KDM8: variants seen among roughly 807,000 people sequenced by gnomAD.
The protein encoded by KDM8 is lysine demethylase 8.
A neutral mutation model predicts 46.9 loss-of-function variants in KDM8; 35 were observed. That is an observed-to-expected ratio of 0.75 (90% CI 0.57 to 0.99). The LOEUF (loss-of-function observed/expected upper bound fraction) is 0.99. KDM8 is among the 50% of genes least tolerant of loss of function. The probability of loss-of-function intolerance (pLI) is 0.00; values close to 1 mark genes in which losing one functional copy is unlikely to be tolerated. For synonymous variants in KDM8, 232 were observed against 227.7 expected, an observed-to-expected ratio of 1.02 and a Z score of -0.17; for missense variants, 475 against 537.0, an observed-to-expected ratio of 0.88 and a Z score of 1.14.
rs1357037262 is a variant in KDM8, at chr16:27,218,979, G to A, written c.862G>A (p.Asp288Asn). The A allele has an allele frequency of 6.2e-7, 1 of 1,613,994 alleles. No individual in the cohort carries two copies. The highest frequency in any genetic ancestry group is 1.3e-5 in the African/African-American group (1 of 74,904). Residue 288 changes from aspartate to asparagine, a missense_variant, in exon 6 of 8, where the codon GAC (aspartate) becomes AAC (asparagine). Transcript: ENST00000286096. The part of the protein sequence containing the change: ...LFDQIPELKQ[D>N]ISIPDYCSLG... Reference sequence around the variant, plus strand: ...CCCACAGATCCCGGAGTTGAAGCAGGACATCAGCATCCCCGACTACTGCAG... The same window carrying A: ...CCCACAGATCCCGGAGTTGAAGCAGAACATCAGCATCCCCGACTACTGCAG...
chr16:27,218,753 G>A (rs906568924), intron 5 of KDM8, among the ~76,000 whole-genome samples: 3 of 152,138 alleles, frequency 2.0e-5, no homozygotes, highest in South Asian at 4.1e-4. Flanking sequence ...AGGCTGAGGT[G>A]GGGGGATCAC....
At chr16:27,206,637 C>T (rs2083431095) in intron 1 of KDM8, among the ~76,000 whole-genome samples, 1 of 152,142 alleles carries the variant, frequency 6.6e-6, no homozygotes, top group Admixed American at 6.5e-5. Context: ...TAAAGCCAGG[C>T]CATAAGGCTA....
In KDM8 at chr16:27,221,651, T is replaced by C. The variant is rs2083629993; in HGVS notation, c.*921T>C. On this transcript the variant is annotated 3_prime_UTR_variant, in exon 8 of 8. Coordinates refer to ENST00000286096, the MANE Select transcript of KDM8 (RefSeq NM_024773.3). ...GGGGAGAGCCAGGCTCTATGCTTTC[T>C]GTAATTGTGTCTCGTTTGTGTGCAC... is the stretch of plus-strand genomic sequence containing the variant. The C allele has an allele frequency of 1.3e-5, 2 of 152,288 alleles. No individual in the cohort carries two copies. Among genetic ancestry groups the C allele is most frequent in the African/African-American group, 4.8e-5 (2 of 41,460 alleles). 9.4% of individuals were successfully genotyped at this position (152,288 alleles called of 1,614,324 possible). A position where few individuals can be genotyped will look rare whatever the true frequency, so the allele number is the denominator to read the frequency against.
chr16:27,204,037 C>T (rs1484545677), intron 1 of KDM8: 11 of 1,467,116 alleles, frequency 7.5e-6, no homozygotes, highest in East Asian at 5.1e-5. Context: ...GGCAACCAGC[C>T]GCTGCCCCTG....
At chr16:27,216,191 A>T (rs1185786375) in intron 5 of KDM8, 1 of 606,766 alleles carries the variant, frequency 1.6e-6, no homozygotes, top group Non-Finnish European at 3.0e-6. Flanking sequence ...TGCCCCGAGG[A>T]TTGTAGGGGC....
intron 2 of KDM8, 101 bp downstream of exon 2, chr16:27,210,722 T>C: frequency 8.5e-7 from 1 of 1,173,054 alleles, no homozygotes; most frequent in South Asian, 1.9e-5. Context: ...CCTCGTGGCC[T>C]GCAACCCCTC....
chr16:27,215,757 T>C (rs1273213961), intron 4 of KDM8, among the ~76,000 whole-genome samples, 188 bp from the exon 5 acceptor site: 5 of 152,178 alleles, frequency 3.3e-5, no homozygotes, highest in African/African-American at 1.2e-4. Flanking sequence ...ACAAACTGGG[T>C]ACCCCGGTGC....
At chr16:27,204,875 A>C (rs934164675) in intron 1 of KDM8, among the ~76,000 whole-genome samples, 5 of 152,160 alleles carry the variant, frequency 3.3e-5, no homozygotes, top group African/African-American at 9.7e-5. Context: ...AAAAATAAAA[A>C]ATTAGCTGAG....
Position 27,219,044 on chromosome 16 carries a change from C to T in KDM8, c.927C>T (p.Ala309=). The change falls in exon 6 of 8, where the codon GCC becomes GCT. Residue 309 remains alanine (A), a synonymous_variant. Coordinates refer to ENST00000286096, the MANE Select transcript of KDM8 (RefSeq NM_024773.3). ...AGGAGGAGGAAATCACCATCAATGC[C>T]TGGTTTGGTCCCCAGGGAACCATCT... The part of the protein sequence containing the change: ...DGEEEEITIN[A]WFGPQGTISP... 1 of 1,613,992 alleles carries T rather than the reference C, an allele frequency of 6.2e-7. No homozygotes were observed. Among genetic ancestry groups the T allele is most frequent in the Non-Finnish European group, 8.5e-7 (1 of 1,179,946 alleles).
chr16:27,213,438 A>G (rs550075045), intron 2 of KDM8, 147 bp from the exon 3 acceptor site: 8 of 723,942 alleles, frequency 1.1e-5, no homozygotes, highest in Non-Finnish European at 1.6e-5. Flanking sequence ...TAATAGTAGC[A>G]GTAATAATAA....
chr16:27,213,497 C>G (rs1320828495), intron 2 of KDM8, 88 bp from the exon 3 acceptor site: 14 of 1,399,346 alleles, frequency 1.0e-5, no homozygotes, highest in African/African-American at 1.4e-5. Context: ...CTAAGCTCTC[C>G]TACCCCTGAC....
Position 27,220,586 on chromosome 16 carries a change from C to T in KDM8, c.1107C>T (p.Asp369=). The T allele has an allele frequency of 6.2e-7, 1 of 1,614,142 alleles. No homozygotes were observed. The highest frequency in any genetic ancestry group is 8.5e-7 in the Non-Finnish European group (1 of 1,180,026). ...NTSQVDVENP[D]LEKFPKFAKA... is the part of the protein sequence containing the mutation. Reference sequence around the variant, plus strand: ...TTCAGGTTGACGTGGAGAATCCCGACCTGGAAAAGTTCCCCAAGTTTGCCA... The same window carrying T: ...TTCAGGTTGACGTGGAGAATCCCGATCTGGAAAAGTTCCCCAAGTTTGCCA... Residue 369 remains aspartate, a synonymous_variant, in exon 8 of 8, where the codon GAC becomes GAT. Transcript: ENST00000286096.
chr16:27,204,519 T>C (rs1016782782), intron 1 of KDM8: 1 of 277,772 alleles, frequency 3.6e-6, no homozygotes. Context: ...TTGAGGAGAT[T>C]AGAGAACTGG....
rs1193693604 is a variant in KDM8, at chr16:27,210,457, G to T, written c.334G>T (p.Asp112Tyr). The T allele has an allele frequency of 6.3e-7, 1 of 1,596,820 alleles. No homozygotes were observed. Among genetic ancestry groups the T allele is most frequent in the East Asian group, 2.2e-5 (1 of 44,514 alleles). ...KALCLCQAPE[D>Y]ANTVAAALRV... ...CCTGTGTCTGTGCCAGGCACCTGAGGATGCCAACACTGTGGCCGCAGCCCT... is the reference window on the plus strand; with the variant it reads ...CCTGTGTCTGTGCCAGGCACCTGAGTATGCCAACACTGTGGCCGCAGCCCT... Residue 112 changes from aspartate (D) to tyrosine (Y), a missense_variant, in exon 2 of 8, where the codon GAT becomes TAT. Asp to Tyr is a radical substitution (Grantham distance 160, BLOSUM62 -3). Transcript: ENST00000286096.
intron 5 of KDM8, 25 bp from the exon 6 acceptor site, chr16:27,218,936 C>A (rs1190522719): frequency 2.5e-6 from 4 of 1,613,716 alleles, no homozygotes; most frequent in Non-Finnish European, 3.4e-6. Flanking sequence ...ATCCCCACAT[C>A]TCATGTCTGC....
Position 27,220,871 on chromosome 16 carries a change from G to C in KDM8, c.*141G>C, listed in dbSNP as rs1335959653. 6.9e-6 allele frequency: 7 copies of C among 1,013,206 alleles called. No homozygotes were observed. The highest frequency in any genetic ancestry group is 1.3e-5 in the South Asian group (1 of 76,296). 62.8% of individuals were successfully genotyped at this position (1,013,206 alleles called of 1,614,324 possible). On this transcript the variant is annotated 3_prime_UTR_variant, in exon 8 of 8. Coordinates refer to ENST00000286096, the MANE Select transcript of KDM8 (RefSeq NM_024773.3). ...TCACTGCCCAGTGGCAGCCCTGGGG[G>C]GCTGAGCTCCAGCACTGGACAGGCA...
chr16:27,210,068 C>A, intron 1 of KDM8, 25 bp from the exon 2 acceptor site: 1 of 1,571,596 alleles, frequency 6.4e-7, no homozygotes, highest in South Asian at 1.2e-5. Flanking sequence ...TGGTGTCTAA[C>A]TCTTGTTTCT....
At chr16:27,203,860 C>G (rs528639962) in intron 1 of KDM8, 2 of 440,474 alleles carry the variant, frequency 4.5e-6, no homozygotes, top group Non-Finnish European at 8.1e-6. Flanking sequence ...GGGAAAGGTT[C>G]CGCGCGTGCG....
intron 1 of KDM8, chr16:27,204,334 GC>G: frequency 7.3e-7 from 1 of 1,363,120 alleles, no homozygotes; most frequent in South Asian, 1.7e-5. Flanking sequence ...CAGGAGGTGC[GC>G]AGGCGTTGGG....
Sources: allele counts gnomAD v4.1 joint callset (sites outside exome capture counted in the v4.1 genomes callset), GRCh38; gene constraint gnomAD v4.1.1; transcripts MANE v1.5; gene names NCBI Gene and HGNC (gene_info 2026-07-23, HGNC 2026-07-21).